Variants in CCDC12 observed in about 807,000 individuals in gnomAD.
The protein encoded by CCDC12 is coiled-coil domain containing 12, also known as coiled-coil domain-containing protein 12.
Under a neutral mutation model 25.7 loss-of-function variants are expected in CCDC12, and 28 were observed. That is an observed-to-expected ratio of 1.09 (90% CI 0.81 to 1.50). The LOEUF (loss-of-function observed/expected upper bound fraction) is 1.50. Ranked by LOEUF, CCDC12 falls within the 40% of genes most tolerant of loss-of-function variation. The pLI is 0.00. For synonymous variants in CCDC12, 75 were observed against 87.7 expected (o/e 0.86, Z 0.81); for missense variants, 198 against 210.0 (o/e 0.94, Z 0.35).
At chr3:46,928,996 A>C (rs774266198) in intron 2 of CCDC12, among the ~76,000 whole-genome samples, 1 of 152,210 alleles carries the variant, frequency 6.6e-6, no homozygotes, top group Non-Finnish European at 1.5e-5. Context: ...TCTCAAAAAA[A>C]AAGCAGGGGG....
At chr3:46,938,521 T>TG (rs1264749020) in intron 2 of CCDC12, among the ~76,000 whole-genome samples, 1 of 140,436 alleles carries the variant, frequency 7.1e-6, no homozygotes, top group South Asian at 2.4e-4. Context: ...CCCTCCTGTT[T>TG]TTTTTTTTTT....
rs1253608799 is a variant in CCDC12, at chr3:46,976,638, T to C, written c.95A>G (p.Lys32Arg). 6.2e-7 allele frequency: 1 copy of C among 1,610,184 alleles called. No homozygotes were observed. Among genetic ancestry groups the C allele is most frequent in the Non-Finnish European group, 8.5e-7 (1 of 1,178,304 alleles). ...CGACCCTCACTCCACACTTCTCACC[T>C]TGCGCCCGGTTTTCTCCCGTAGGGC... ...LKALREKTGR[K>R]DKEDGEPKTK... Residue 32 changes from lysine to arginine, a missense_variant and splice_region_variant, in exon 1 of 7, where the codon AAG becomes AGG. Lys to Arg is a conservative substitution (Grantham distance 26). Transcript: ENST00000683445.
chr3:46,921,779 A>C lies in CCDC12; in HGVS notation c.*278T>G. The stretch of plus-strand genomic sequence containing the variant: ...TTCTATTTCCAGATTTTTTTTTAGA[A>C]AGTTCAAAATATATACATATATACA... On this transcript the variant is annotated 3_prime_UTR_variant, in exon 7 of 7. Coordinates refer to ENST00000683445, the MANE Select transcript of CCDC12 (RefSeq NM_001277074.2). 1 of 425,194 alleles carries C rather than the reference A, an allele frequency of 2.4e-6. No individual in the cohort carries two copies. Among genetic ancestry groups the C allele is most frequent in the Non-Finnish European group, 4.2e-6 (1 of 238,218 alleles). The allele number at this position is 425,194 out of a possible 1,614,324, so 26.3% of individuals were successfully genotyped here. A position where few individuals can be genotyped will look rare whatever the true frequency, so the allele number is the denominator to read the frequency against.
chr3:46,937,677 T>C (rs758067608), intron 2 of CCDC12, among the ~76,000 whole-genome samples: 7 of 152,120 alleles, frequency 4.6e-5, no homozygotes, highest in Non-Finnish European at 7.4e-5. Flanking sequence ...TTTCCAGACT[T>C]GGGGTACAAA....
intron 1 of CCDC12, among the ~76,000 whole-genome samples, chr3:46,965,805 A>T (rs2034621108): frequency 6.6e-6 from 1 of 152,164 alleles, no homozygotes; most frequent in Non-Finnish European, 1.5e-5. Flanking sequence ...TCTCAGGTAC[A>T]AGTTAAAGGG....
At chr3:46,964,365 C>CCGGG (rs2034573560) in intron 1 of CCDC12, among the ~76,000 whole-genome samples, 3 of 151,792 alleles carry the variant, frequency 2.0e-5, no homozygotes, top group Admixed American at 6.5e-5. Context: ...GCCGCCCCGT[C>CCGGG]TGGGAGGTGG....
intron 1 of CCDC12, among the ~76,000 whole-genome samples, chr3:46,944,444 C>T (rs560488814): frequency 6.6e-6 from 1 of 152,244 alleles, no homozygotes; most frequent in East Asian, 1.9e-4. Flanking sequence ...CCCTGCTGGA[C>T]ACTCAGTAGG....
intron 1 of CCDC12, among the ~76,000 whole-genome samples, chr3:46,962,033 T>C (rs1323710693): frequency 1.3e-5 from 2 of 152,176 alleles, no homozygotes; most frequent in Non-Finnish European, 2.9e-5. Context: ...CATAAAAGAA[T>C]ATCATCTAGA....
intron 2 of CCDC12, among the ~76,000 whole-genome samples, chr3:46,938,782 G>A (rs1449660027): frequency 4.6e-5 from 7 of 151,664 alleles, no homozygotes; most frequent in Admixed American, 1.3e-4. Flanking sequence ...TGGGAGCCAC[G>A]TGGAGGTTGC....
intron 2 of CCDC12, among the ~76,000 whole-genome samples, chr3:46,926,892 G>A (rs571092404): frequency 2.6e-5 from 4 of 152,216 alleles, no homozygotes; most frequent in African/African-American, 9.6e-5. Context: ...CCCTCTGTCT[G>A]GACCAGGTAA....
chr3:46,973,619 T>C (rs2034874657), intron 1 of CCDC12, among the ~76,000 whole-genome samples: 2 of 146,610 alleles, frequency 1.4e-5, no homozygotes, highest in East Asian at 2.0e-4. Context: ...TTTTCTTTTT[T>C]TTTTTTTTTT....
Position 46,922,652 on chromosome 3 carries a change from T to C in CCDC12, c.342-340A>G, listed in dbSNP as rs1243533222. ...ACTTGCTCCTGCCCACTGTGGGCCC[T>C]GCTCCTCCTCCAGCCACCGGCCCAG... On this transcript the variant is annotated intron_variant, in intron 5 of 6. Coordinates refer to ENST00000683445, the MANE Select transcript of CCDC12 (RefSeq NM_001277074.2). The C allele has an allele frequency of 7.9e-6, 3 of 381,258 alleles. No individual in the cohort carries two copies. The East Asian group carries it at 1.7e-4, about 22-fold the overall frequency. The allele number at this position is 381,258 out of a possible 1,614,324, so 23.6% of individuals were successfully genotyped here. A position where few individuals can be genotyped will look rare whatever the true frequency, so the allele number is the denominator to read the frequency against.
At chr3:46,941,181 G>T in intron 1 of CCDC12, 116 bp from the exon 2 acceptor site, 2 of 936,550 alleles carry the variant, frequency 2.1e-6, no homozygotes, top group Non-Finnish European at 1.7e-6. Flanking sequence ...GCAGGGCCCA[G>T]CTTGGTGTCC....
At chr3:46,957,984 C>CAT (rs2107174496) in intron 1 of CCDC12, among the ~76,000 whole-genome samples, 3 of 144,558 alleles carry the variant, frequency 2.1e-5, no homozygotes, top group Non-Finnish European at 4.5e-5. Context: ...CACACACACA[C>CAT]ACACACACAC....
chr3:46,976,671 C>A lies in CCDC12; in HGVS notation c.62G>T (p.Arg21Leu). Residue 21 changes from arginine to leucine, a missense_variant, in exon 1 of 7, where the codon CGG becomes CTG. Arg to Leu is a moderately radical substitution (Grantham distance 102, BLOSUM62 -2). Transcript: ENST00000683445. ...GGTTTTCTCCCGTAGGGCCTTCAGC[C>A]GTTCCTTTCGCCGCAACGCCTCTTC... ...LEEEALRRKE[R>L]LKALREKTGR... The A allele has an allele frequency of 1.2e-6, 2 of 1,610,728 alleles. No individual in the cohort carries two copies. Among genetic ancestry groups the A allele is most frequent in the Non-Finnish European group, 8.5e-7 (1 of 1,178,556 alleles).
intron 5 of CCDC12, chr3:46,922,834 C>T (rs906177618): frequency 3.3e-5 from 6 of 179,856 alleles, no homozygotes; most frequent in African/African-American, 1.4e-4. Flanking sequence ...ATAGCTCTAC[C>T]TCCGGCTCAA....
intron 1 of CCDC12, among the ~76,000 whole-genome samples, chr3:46,955,130 CCAGTGAA>C (rs1253051199): frequency 1.3e-5 from 2 of 152,176 alleles, no homozygotes; most frequent in Non-Finnish European, 2.9e-5. Flanking sequence ...TCACAATCAC[CCAGTGAA>C]GTTCTTCTTG....
chr3:46,971,524 A>T (rs1277863783), intron 1 of CCDC12, among the ~76,000 whole-genome samples: 1 of 152,256 alleles, frequency 6.6e-6, no homozygotes, highest in Non-Finnish European at 1.5e-5. Flanking sequence ...CTGCATGACT[A>T]CAAGAGAGTT....
At chr3:46,945,275 C>G (rs2033860261) in intron 1 of CCDC12, among the ~76,000 whole-genome samples, 1 of 152,274 alleles carries the variant, frequency 6.6e-6, no homozygotes, top group Admixed American at 6.5e-5. Context: ...TCTCCACCAA[C>G]TCCAGAAGAG....
Sources: allele counts gnomAD v4.1 joint callset (sites outside exome capture counted in the v4.1 genomes callset), GRCh38; gene constraint gnomAD v4.1.1; transcripts MANE v1.5; gene names NCBI Gene and HGNC (gene_info 2026-07-23, HGNC 2026-07-21).